The following KLC1 variants were observed in gnomAD, a reference collection of about 807,000 sequenced individuals.
The protein encoded by KLC1 is kinesin light chain 1, also known as kinesin 2 60/70kDa.
Under a neutral mutation model 84.2 loss-of-function variants are expected in KLC1, and 30 were observed. The observed-to-expected ratio is 0.36, with a 90% CI of 0.27 to 0.48. The LOEUF is 0.48. Ranked by LOEUF, KLC1 falls within the 20% of genes least tolerant of loss-of-function variation. The probability of loss-of-function intolerance (pLI) is 0.99; values close to 1 mark genes in which losing one functional copy is unlikely to be tolerated. For missense variants in KLC1, 499 were observed against 805.4 expected, an observed-to-expected ratio of 0.62 and a Z score of 4.60; for synonymous variants, 289 against 293.3, an observed-to-expected ratio of 0.99 and a Z score of 0.15.
chr14:103,698,541 A>G, intron 15 of KLC1: 6 of 540,514 alleles, frequency 1.1e-5, no homozygotes. Context: ...CCCAAGGGCC[A>G]GCTCAGCAGT....
At chr14:103,685,699 C>T (rs1285177134) in intron 13 of KLC1, 3 of 1,289,428 alleles carry the variant, frequency 2.3e-6, no homozygotes, top group East Asian at 5.5e-5. Flanking sequence ...CCCGCAGCTT[C>T]CCTTCTCTCT....
chr14:103,663,181 GC>G (rs2079438683), intron 5 of KLC1, among the ~76,000 whole-genome samples: 1 of 151,360 alleles, frequency 6.6e-6, no homozygotes, highest in African/African-American at 2.4e-5. Context: ...CCGGGTTCAC[GC>G]CATTCTCCTG....
chr14:103,700,873 A>G, intron 16 of KLC1, 146 bp downstream of exon 16: 1 of 695,288 alleles, frequency 1.4e-6, no homozygotes, highest in African/African-American at 1.8e-5. Context: ...GGCTTGGCTC[A>G]GGGTCCCCAT....
At chr14:103,672,766 G>T (rs2080522152) in intron 7 of KLC1, among the ~76,000 whole-genome samples, 1 of 152,170 alleles carries the variant, frequency 6.6e-6, no homozygotes, top group Non-Finnish European at 1.5e-5. Context: ...TACCATGAAG[G>T]ATTACTACAG....
intron 1 of KLC1, among the ~76,000 whole-genome samples, chr14:103,631,084 A>ATT (rs370301801): frequency 1.4e-5 from 2 of 143,880 alleles, no homozygotes; most frequent in East Asian, 2.0e-4. Flanking sequence ...AAACTTACAC[A>ATT]TTTTTTTTTT....
intron 1 of KLC1, among the ~76,000 whole-genome samples, chr14:103,653,031 C>T (rs1357870576): frequency 6.6e-6 from 1 of 152,220 alleles, no homozygotes; most frequent in Non-Finnish European, 1.5e-5. Context: ...AGCTTTTCTT[C>T]CCTTCATGCA....
chr14:103,700,587 G>T lies in KLC1; in HGVS notation c.1849-68G>T, dbSNP rs1005724076. ...GCAGCCACACGCTGGTGTCACGCCC[G>T]GAGCTCTGAAGACGCCTGAGGGCCG... On this transcript the variant is annotated intron_variant, in intron 15 of 16. Coordinates refer to ENST00000334553, the MANE Select transcript of KLC1 (RefSeq NM_001394837.1). 3.1e-6 allele frequency: 4 copies of T among 1,305,712 alleles called. No homozygotes were observed. In the Admixed American group the frequency reaches 5.6e-5, roughly 18 times the overall value. The allele number at this position is 1,305,712 out of a possible 1,614,324, so 80.9% of individuals were successfully genotyped here.
chr14:103,684,922 T>A (rs371563830), intron 13 of KLC1: 1 of 743,328 alleles, frequency 1.3e-6, no homozygotes, highest in Non-Finnish European at 2.4e-6. Flanking sequence ...CAAAAACTTA[T>A]GTTTTCTTGT....
Position 103,665,227 on chromosome 14 carries a change from T to TAA in KLC1, c.797+2300_797+2301insAA, listed in dbSNP as rs142170647. ...TGTTCAAGATTTTGGATTGATTGAT[T>TAA]GGTTGTAGAGATGGAGTCTCACCAT... On this transcript the variant is annotated intron_variant, in intron 5 of 16. Transcript: ENST00000334553. Among the ~76,000 whole-genome samples, 9 of 152,090 alleles carry TAA rather than the reference T, an allele frequency of 5.9e-5. No individual in the cohort carries two copies. The East Asian group carries it at 1.7e-3, about 29-fold the overall frequency.
chr14:103,646,942 C>G (rs1416765313), intron 1 of KLC1, among the ~76,000 whole-genome samples: 7 of 152,118 alleles, frequency 4.6e-5, no homozygotes, highest in African/African-American at 1.7e-4. Context: ...CATATTACCT[C>G]TGCTTGGATT....
intron 1 of KLC1, among the ~76,000 whole-genome samples, chr14:103,632,862 C>T (rs1288923489): frequency 2.0e-5 from 3 of 152,074 alleles, no homozygotes; most frequent in Non-Finnish European, 2.9e-5. Flanking sequence ...TACCAATCAG[C>T]CAGTGTCAGG....
intron 13 of KLC1, chr14:103,686,039 T>C (rs1303988885): frequency 6.7e-6 from 7 of 1,043,484 alleles, no homozygotes; most frequent in Non-Finnish European, 8.1e-6. Context: ...CCGCACGTGC[T>C]CCGTGGTACT....
chr14:103,699,153 G>T (rs765302014), intron 15 of KLC1: 2 of 1,570,928 alleles, frequency 1.3e-6, no homozygotes, highest in Admixed American at 3.6e-5. Flanking sequence ...CGTGTGCTGC[G>T]CCCTGCTCCT....
intron 15 of KLC1, chr14:103,698,772 A>G (rs1595617406): frequency 3.2e-6 from 5 of 1,567,642 alleles, no homozygotes; most frequent in Non-Finnish European, 4.3e-6. Flanking sequence ...CTTCTCAGGC[A>G]GGGCTGTTGT....
At chr14:103,692,250 G>A in intron 14 of KLC1, 109 bp from the exon 15 acceptor site, 1 of 958,552 alleles carries the variant, frequency 1.0e-6, no homozygotes. Context: ...AAGGTCCCTA[G>A]AGCCCCCAGT....
rs75332482 is a variant in KLC1, at chr14:103,661,814, C to G, written c.493-302C>G. Among the ~76,000 whole-genome samples, 938 of 152,174 alleles carry G rather than the reference C, an allele frequency of 6.2e-3. 7 individuals are homozygous for G. Among genetic ancestry groups the G allele is most frequent in the Non-Finnish European group, 0.011 (716 of 68,012 alleles). ...AGATTTTATTTTGAGTCAGGGTTTT[C>G]CCTGCTCTCCTAGACCTCCCTCAAA... On this transcript the variant is annotated intron_variant, in intron 3 of 16. Transcript: ENST00000334553.
chr14:103,651,065 A>G (rs2078398158), intron 1 of KLC1, among the ~76,000 whole-genome samples: 1 of 152,122 alleles, frequency 6.6e-6, no homozygotes, highest in Non-Finnish European at 1.5e-5. Context: ...GCTGGAGTGC[A>G]GTGGTGAGAT....
chr14:103,675,562 A>G lies in KLC1; in HGVS notation c.1272A>G (p.Lys424=). 6.2e-7 allele frequency: 1 copy of G among 1,612,212 alleles called. No homozygotes were observed. The highest frequency in any genetic ancestry group is 8.5e-7 in the Non-Finnish European group (1 of 1,179,412). The stretch of plus-strand genomic sequence containing the variant: ...TGTTTTCTTCCCTAGATGAAAATAA[A>G]CCCATCTGGATGCATGCTGAAGAAA... ...REFGSVDDEN[K]PIWMHAEERE... is the part of the protein sequence containing the mutation. Residue 424 remains lysine (K), a synonymous_variant, in exon 10 of 17, where the codon AAA becomes AAG. Coordinates refer to ENST00000334553, the MANE Select transcript of KLC1 (RefSeq NM_001394837.1).
At chr14:103,664,761 C>T (rs2079602196) in intron 5 of KLC1, among the ~76,000 whole-genome samples, 2 of 150,896 alleles carry the variant, frequency 1.3e-5, no homozygotes, top group Admixed American at 1.3e-4. Context: ...GTGATCTGCT[C>T]AGCTCGGTAC....
Sources: allele counts gnomAD v4.1 joint callset (sites outside exome capture counted in the v4.1 genomes callset), GRCh38; gene constraint gnomAD v4.1.1; transcripts MANE v1.5; gene names NCBI Gene and HGNC (gene_info 2026-07-23, HGNC 2026-07-21).